Variants in CRACD observed in about 807,000 individuals in gnomAD.
CRACD encodes the protein capping protein inhibiting regulator of actin dynamics.
CRACD carries 56 observed loss-of-function variants against 106.8 expected under a neutral mutation model. That is an observed-to-expected ratio of 0.52 (90% CI 0.42 to 0.66). CRACD has a LOEUF of 0.66. Ranked by LOEUF, CRACD falls within the 30% of genes least tolerant of loss-of-function variation. CRACD has a pLI of 0.00. For synonymous variants in CRACD, 754 were observed against 670.8 expected, an observed-to-expected ratio of 1.12 and a Z score of -1.92; for missense variants, 1,730 against 1,623.2, an observed-to-expected ratio of 1.07 and a Z score of -1.13.
intron 3 of CRACD, among the ~76,000 whole-genome samples, chr4:56,290,602 G>GTA (rs1194317460): frequency 2.6e-5 from 4 of 152,184 alleles, no homozygotes; most frequent in Non-Finnish European, 5.9e-5. Flanking sequence ...CCAAAAGCTG[G>GTA]TATCTTTGGG....
chr4:56,163,010 T>A (rs767373907), intron 1 of CRACD, among the ~76,000 whole-genome samples: 5 of 152,184 alleles, frequency 3.3e-5, no homozygotes, highest in Non-Finnish European at 7.3e-5. Flanking sequence ...CAGTAAAATC[T>A]TGTTTGCAAA....
intron 1 of CRACD, among the ~76,000 whole-genome samples, chr4:56,138,896 T>A (rs1735097438): frequency 1.3e-5 from 2 of 152,214 alleles, no homozygotes; most frequent in African/African-American, 4.8e-5. Flanking sequence ...AGAAGAGATC[T>A]TCTATTTTCT....
chr4:56,240,693 C>A (rs1476933303), intron 2 of CRACD, among the ~76,000 whole-genome samples: 1 of 152,136 alleles, frequency 6.6e-6, no homozygotes, highest in Non-Finnish European at 1.5e-5. Flanking sequence ...GAAACAGGAT[C>A]TTGCTGTATT....
intron 1 of CRACD, among the ~76,000 whole-genome samples, chr4:56,079,289 C>T (rs1026664592): frequency 6.0e-5 from 9 of 151,208 alleles, no homozygotes; most frequent in African/African-American, 2.2e-4. Context: ...AAAGATGTCT[C>T]CTTTCTGATT....
At chr4:56,212,005 C>A (rs991801578) in intron 2 of CRACD, among the ~76,000 whole-genome samples, 2 of 152,050 alleles carry the variant, frequency 1.3e-5, no homozygotes, top group African/African-American at 4.8e-5. Flanking sequence ...TGGGCTGTAT[C>A]CCCAGGAGGC....
rs1267719690 is a variant in CRACD, at chr4:56,199,816, GAC to G, written c.-189+20388_-189+20389del. 5.9e-5 allele frequency among the ~76,000 whole-genome samples: 9 copies of G among 151,876 alleles called. No homozygotes were observed. In the East Asian group the frequency reaches 1.5e-3, roughly 26 times the overall value. ...AACTTGTCAAGTTTCCTTCCAGAAA[GAC>G]ATTTTCTCTTCTTTGAGCTTCCAAG... On this transcript the variant is annotated intron_variant, in intron 2 of 10. Transcript: ENST00000682029.
At chr4:56,196,715 C>A (rs567809834) in intron 2 of CRACD, among the ~76,000 whole-genome samples, 3 of 152,154 alleles carry the variant, frequency 2.0e-5, no homozygotes, top group African/African-American at 7.2e-5. Flanking sequence ...ATCTAATTTT[C>A]TATCTCATAA....
At chr4:56,310,791 C>A in intron 6 of CRACD, 57 bp downstream of exon 6, 1 of 923,348 alleles carries the variant, frequency 1.1e-6, no homozygotes, top group Non-Finnish European at 1.6e-6. Flanking sequence ...TTTCATCTTC[C>A]CCCCCCCTTT....
At position 56,329,127 on chromosome 4, in the gene CRACD, G is replaced by A. The variant is rs1746646379; in HGVS notation, c.*1323G>A. Among the ~76,000 whole-genome samples, 1 of 152,142 alleles carries A rather than the reference G, an allele frequency of 6.6e-6. No individual in the cohort carries two copies. The highest frequency in any genetic ancestry group is 2.1e-4 in the South Asian group (1 of 4,828). The stretch of plus-strand genomic sequence containing the variant: ...CATGTGCATACAAAGAAGGGACTTG[G>A]CAGTTTAAAAGCCACATATATTCAC... On this transcript the variant is annotated 3_prime_UTR_variant, in exon 11 of 11. Transcript: ENST00000682029.
chr4:56,165,359 A>T (rs1736105466), intron 1 of CRACD, among the ~76,000 whole-genome samples: 1 of 152,204 alleles, frequency 6.6e-6, no homozygotes, highest in South Asian at 2.1e-4. Context: ...GCTCTCATTT[A>T]TTAAGTGCTT....
chr4:56,275,238 T>C (rs1742610044), intron 3 of CRACD, among the ~76,000 whole-genome samples: 1 of 152,104 alleles, frequency 6.6e-6, no homozygotes, highest in South Asian at 2.1e-4. Context: ...TGAGTTTACC[T>C]ACGTAACAAA....
intron 2 of CRACD, among the ~76,000 whole-genome samples, chr4:56,186,617 G>A (rs1032564152): frequency 3.9e-5 from 6 of 152,138 alleles, no homozygotes; most frequent in Non-Finnish European, 8.8e-5. Flanking sequence ...ATTGTGCTGA[G>A]GGGTGAGGAT....
intron 1 of CRACD, among the ~76,000 whole-genome samples, chr4:56,059,172 G>T (rs1351113726): frequency 6.6e-6 from 1 of 152,096 alleles, no homozygotes; most frequent in Non-Finnish European, 1.5e-5. Flanking sequence ...GCTTGGTGGC[G>T]CCTGTCTGTA....
chr4:56,243,275 C>A (rs1416144513), intron 2 of CRACD, among the ~76,000 whole-genome samples: 1 of 152,158 alleles, frequency 6.6e-6, no homozygotes, highest in Non-Finnish European at 1.5e-5. Flanking sequence ...TGTGAGGGAG[C>A]CTCAAACATA....
intron 1 of CRACD, among the ~76,000 whole-genome samples, 161 bp downstream of exon 1, chr4:56,049,460 C>T (rs1433441179): frequency 6.6e-6 from 1 of 151,958 alleles, no homozygotes; most frequent in Non-Finnish European, 1.5e-5. Context: ...CGGTGGGCTT[C>T]GGGGCGGTGT....
chr4:56,239,833 C>CA (rs1420357052), intron 2 of CRACD, among the ~76,000 whole-genome samples: 1 of 152,100 alleles, frequency 6.6e-6, no homozygotes, highest in Non-Finnish European at 1.5e-5. Context: ...CAGACTAACA[C>CA]AAAAAGCTTT....
rs746257187 is a variant in CRACD at position 56,315,906 on chromosome 4, A to G, written c.2404A>G (p.Ser802Gly). ...AGACCTCCCGTCTTTCCTTGTCCCA[A>G]GCCTTCCTTACCCTCCGCAGAAAGT... ...AKDLPSFLVP[S>G]LPYPPQKVVA... The change falls in exon 8 of 11, where the codon AGC becomes GGC. Residue 802 changes from serine (S) to glycine (G), a missense_variant. Transcript: ENST00000682029. This position sits in a 1 kb window ranked among gnomAD's most constrained non-coding sequence, Gnocchi z 4.1. 45 of 1,614,054 alleles carry G rather than the reference A, an allele frequency of 2.8e-5. No homozygotes were observed. The highest frequency in any genetic ancestry group is 3.6e-5 in the Non-Finnish European group (43 of 1,180,044).
At chr4:56,057,858 G>A (rs1213113292) in intron 1 of CRACD, among the ~76,000 whole-genome samples, 1 of 55,628 alleles carries the variant, frequency 1.8e-5, no homozygotes, top group Non-Finnish European at 3.0e-5. Flanking sequence ...TCGCTCTGTC[G>A]CCCAGGCTGG....
At chr4:56,312,955 G>C (rs539219382) in intron 6 of CRACD, among the ~76,000 whole-genome samples, 11 of 152,324 alleles carry the variant, frequency 7.2e-5, no homozygotes, top group Non-Finnish European at 1.3e-4. Flanking sequence ...AGGAAAATTA[G>C]TTCCTAAAAG....
Sources: allele counts gnomAD v4.1 joint callset (sites outside exome capture counted in the v4.1 genomes callset), GRCh38; gene constraint gnomAD v4.1.1; non-coding constraint Gnocchi (gnomAD v3.1); transcripts MANE v1.5; gene names NCBI Gene and HGNC (gene_info 2026-07-23, HGNC 2026-07-21).